Variants in CNOT3 observed in about 807,000 individuals in gnomAD.
CNOT3 encodes CCR4-associated factor 3.
In CNOT3, 2 loss-of-function variants were observed where a neutral mutation model predicts 89.4. That is an observed-to-expected ratio of 0.02 (90% CI 0.01 to 0.07). CNOT3 has a LOEUF of 0.07. CNOT3 is among the 10% of genes least tolerant of loss of function. CNOT3 has a pLI of 1.00. For missense variants in CNOT3, 664 were observed against 1,010.2 expected, an observed-to-expected ratio of 0.66 and a Z score of 4.65; for synonymous variants, 486 against 402.0, an observed-to-expected ratio of 1.21 and a Z score of -2.50.
At chr19:54,146,189 C>G (rs778936783) in intron 9 of CNOT3, 146 bp downstream of exon 9, 1 of 838,596 alleles carries the variant, frequency 1.2e-6, no homozygotes, top group Non-Finnish European at 1.8e-6. Flanking sequence ...TTGGAGCACA[C>G]GCTAAGGTCC....
chr19:54,149,041 A>G (rs587635998), intron 12 of CNOT3, among the ~76,000 whole-genome samples: 1 of 152,312 alleles, frequency 6.6e-6, no homozygotes, highest in East Asian at 1.9e-4. Context: ...CCTGAGGCCA[A>G]TTGACTGCCA....
chr19:54,155,584 G>T lies in CNOT3; in HGVS notation c.*177G>T, dbSNP rs2075360728. 2 of 1,027,988 alleles carry T rather than the reference G, an allele frequency of 1.9e-6. No homozygotes were observed. The highest frequency in any genetic ancestry group is 1.6e-5 in the African/African-American group (1 of 62,016). 63.7% of individuals were successfully genotyped at this position (1,027,988 alleles called of 1,614,324 possible). On this transcript the variant is annotated 3_prime_UTR_variant, in exon 18 of 18. Coordinates refer to ENST00000221232, the MANE Select transcript of CNOT3 (RefSeq NM_014516.4). ...TCAGCCCCACCCTGGGGGCCCGGGG[G>T]CGAGGGCTGCCCCCTCCTCCCCTCC...
chr19:54,138,467 C>T (rs114597851), intron 1 of CNOT3, among the ~76,000 whole-genome samples: 1,860 of 152,184 alleles, frequency 0.012, 42 homozygotes, highest in African/African-American at 0.042. Flanking sequence ...CGTTGTGGGG[C>T]AGCCTCCGCG....
Position 54,149,695 on chromosome 19 carries a change from T to C in CNOT3, c.1542T>C (p.Asp514=). The C allele has an allele frequency of 6.2e-7, 1 of 1,614,088 alleles. No homozygotes were observed. The highest frequency in any genetic ancestry group is 8.5e-7 in the Non-Finnish European group (1 of 1,179,970). The change falls in exon 13 of 18, where the codon GAT becomes GAC. Residue 514 remains aspartate, a synonymous_variant. Transcript: ENST00000221232. ...PPSSPTPSFS[D]AKAAGALLNG... ...GCTCCCCAACGCCCAGCTTCAGTGA[T>C]GCCAAGGCAGCCGGTGCCCTGCTCA...
At chr19:54,153,316 A>G in intron 16 of CNOT3, 2 of 760,460 alleles carry the variant, frequency 2.6e-6, no homozygotes, top group African/African-American at 1.7e-5. Flanking sequence ...GTCTAGGCCG[A>G]CCCCACTCTG....
At chr19:54,154,021 T>C (rs965857962) in intron 17 of CNOT3, 181 bp downstream of exon 17, 3 of 805,072 alleles carry the variant, frequency 3.7e-6, no homozygotes, top group Non-Finnish European at 6.5e-6. Flanking sequence ...CCTCTCATCC[T>C]CCACTTGGCC....
At chr19:54,142,477 CATTT>C in intron 1 of CNOT3, 1 of 180,266 alleles carries the variant, frequency 5.5e-6, no homozygotes, top group East Asian at 1.4e-4. Flanking sequence ...CTGCCAGTTT[CATTT>C]GTCTCCTGAC....
chr19:54,144,484 G>T lies in CNOT3; in HGVS notation c.483+152G>T. 3.0e-6 allele frequency: 2 copies of T among 656,984 alleles called. No individual in the cohort carries two copies. Among genetic ancestry groups the T allele is most frequent in the Non-Finnish European group, 5.5e-6 (2 of 365,172 alleles). The allele number at this position is 656,984 out of a possible 1,614,324, so 40.7% of individuals were successfully genotyped here. A position where few individuals can be genotyped will look rare whatever the true frequency, so the allele number is the denominator to read the frequency against. On this transcript the variant is annotated intron_variant, in intron 7 of 17. Transcript: ENST00000221232. The surrounding 1 kb of genome is among the most constrained non-coding windows in gnomAD (Gnocchi z 4.8). Reference sequence around the variant, plus strand: ...GCCGGGATTAGGGATTTGAGAGACAGGATTGGGAGGGCTTAGCAGCTGCAC... The same window carrying T: ...GCCGGGATTAGGGATTTGAGAGACATGATTGGGAGGGCTTAGCAGCTGCAC...
At chr19:54,146,241 A>C (rs142664930) in intron 9 of CNOT3, among the ~76,000 whole-genome samples, 198 bp downstream of exon 9, 38 of 152,350 alleles carry the variant, frequency 2.5e-4, no homozygotes, top group African/African-American at 8.9e-4. Flanking sequence ...AATAGGGTGC[A>C]TCCCGCGCCA....
intron 16 of CNOT3, chr19:54,153,471 A>C: frequency 2.6e-6 from 2 of 775,242 alleles, no homozygotes; most frequent in Non-Finnish European, 4.8e-6. Flanking sequence ...CTCTCATCAC[A>C]CATTAGTTTT....
chr19:54,143,432 C>T lies in CNOT3; in HGVS notation c.94-10C>T. 3 of 1,613,724 alleles carry T rather than the reference C, an allele frequency of 1.9e-6. No individual in the cohort carries two copies. Among genetic ancestry groups the T allele is most frequent in the Non-Finnish European group, 2.5e-6 (3 of 1,179,772 alleles). ...CCCACACTGACTTCTCAATTCTCTCCATCCCTCAGCTCCACAATGCAGCCA... is the reference window on the plus strand; with the variant it reads ...CCCACACTGACTTCTCAATTCTCTCTATCCCTCAGCTCCACAATGCAGCCA... On this transcript the variant is annotated splice_polypyrimidine_tract_variant and intron_variant, in intron 3 of 17. Coordinates refer to ENST00000221232, the MANE Select transcript of CNOT3 (RefSeq NM_014516.4).
chr19:54,154,078 A>C, intron 17 of CNOT3: 1 of 702,310 alleles, frequency 1.4e-6, no homozygotes, highest in East Asian at 2.8e-5. Context: ...CCCTTCCTCA[A>C]AGAAACCTTC....
In CNOT3 at chr19:54,145,781, G is replaced by A. The variant is rs1185523879; in HGVS notation, c.667G>A (p.Glu223Lys). ...CCAGGACCCCGACTTCGAGGAGAAC[G>A]AGTTTCTCTACGATGACCTGGACCT... ...SSQDPDFEEN[E>K]FLYDDLDLED... is the part of the protein sequence containing the mutation. The change falls in exon 8 of 18, where the codon GAG becomes AAG. Residue 223 changes from glutamate to lysine, a missense_variant. Coordinates refer to ENST00000221232, the MANE Select transcript of CNOT3 (RefSeq NM_014516.4). This position sits in a 1 kb window ranked among gnomAD's most constrained non-coding sequence, Gnocchi z 5.9. 4 of 1,613,658 alleles carry A rather than the reference G, an allele frequency of 2.5e-6. No homozygotes were observed. The highest frequency in any genetic ancestry group is 1.3e-5 in the African/African-American group (1 of 75,054).
At chr19:54,140,145 T>TG (rs1311947823) in intron 1 of CNOT3, among the ~76,000 whole-genome samples, 3 of 152,078 alleles carry the variant, frequency 2.0e-5, no homozygotes, top group Admixed American at 1.3e-4. Flanking sequence ...CTTTGTGTGG[T>TG]GGTATCATCT....
chr19:54,149,878 C>A (rs1247191423), intron 13 of CNOT3, 120 bp downstream of exon 13: 3 of 1,038,284 alleles, frequency 2.9e-6, no homozygotes, highest in African/African-American at 1.6e-5. Context: ...GGCTTTCTGT[C>A]CCCTTCTCAC....
Position 54,145,534 on chromosome 19 carries a change from G to A in CNOT3, c.484-64G>A, listed in dbSNP as rs745399657. 1 of 1,122,102 alleles carries A rather than the reference G, an allele frequency of 8.9e-7. No homozygotes were observed. The highest frequency in any genetic ancestry group is 1.3e-6 in the Non-Finnish European group (1 of 743,680). The allele number at this position is 1,122,102 out of a possible 1,614,324, so 69.5% of individuals were successfully genotyped here. A position where few individuals can be genotyped will look rare whatever the true frequency, so the allele number is the denominator to read the frequency against. On this transcript the variant is annotated intron_variant, in intron 7 of 17. Transcript: ENST00000221232. This position sits in a 1 kb window ranked among gnomAD's most constrained non-coding sequence, Gnocchi z 5.9. ...GTCAGGGACTGAGGACAGGTTCTGT[G>A]GGGGCAGGAGGGGCCAAGCAGGTGC...
At chr19:54,146,794 G>A in intron 10 of CNOT3, 137 bp downstream of exon 10, 1 of 693,806 alleles carries the variant, frequency 1.4e-6, no homozygotes, top group South Asian at 1.6e-5. Context: ...TGCCCTGAGG[G>A]CAGGTGGGCA....
intron 17 of CNOT3, 40 bp from the exon 18 acceptor site, chr19:54,155,269 C>T (rs1326198706): frequency 1.2e-6 from 2 of 1,608,796 alleles, no homozygotes; most frequent in Non-Finnish European, 1.7e-6. Flanking sequence ...TCCCAGACCA[C>T]CTCCTCGTCC....
chr19:54,149,310 G>A (rs771214053), intron 12 of CNOT3, among the ~76,000 whole-genome samples: 98 of 152,166 alleles, frequency 6.4e-4, no homozygotes, highest in Non-Finnish European at 1.3e-3. Context: ...CCTGTGGCCT[G>A]GTGGAGCACC....
Sources: gnomAD v4.1 joint callset for allele counts (sites outside exome capture counted in the v4.1 genomes callset) on GRCh38, gnomAD v4.1.1 for gene constraint, Gnocchi (gnomAD v3.1) non-coding constraint, MANE v1.5 for transcripts, NCBI Gene and HGNC (gene_info 2026-07-23, HGNC 2026-07-21) for gene names.